RIGI: variants seen among roughly 807,000 people sequenced by gnomAD.
RIGI encodes the protein antiviral innate immune response receptor RIG-I.
the RIGI span, among the ~76,000 whole-genome samples, chr9:32,520,814 T>TGTGGTGGCTCAGGCTGGGC: frequency 6.7e-6 from 1 of 148,692 alleles, no homozygotes; most frequent in African/African-American, 2.5e-5. Context: ...GATGGCTGGG[T>TGTGGTGGCTCAGGCTGGGC]GTGGTGGCTC....
chr9:32,476,976 A>C, the RIGI span: 6 of 1,609,368 alleles, frequency 3.7e-6, no homozygotes, highest in Middle Eastern at 1.7e-4. Context: ...GGAGAAAAAA[A>C]GCTTACGTCC....
chr9:32,456,410 C>T, the RIGI span: 1 of 152,036 alleles, frequency 6.6e-6, no homozygotes, highest in Admixed American at 6.5e-5. Flanking sequence ...CTCATGTTCT[C>T]TGTGTAGCCA....
chr9:32,495,675 T>G, the RIGI span, among the ~76,000 whole-genome samples: 1 of 150,358 alleles, frequency 6.7e-6, no homozygotes, highest in African/African-American at 2.5e-5. Context: ...TTTTTTTTTT[T>G]TTGAGATGGA....
At chr9:32,457,435 G>A in the RIGI span, 2 of 1,596,944 alleles carry the variant, frequency 1.3e-6, no homozygotes, top group Non-Finnish European at 1.7e-6. Flanking sequence ...ATGAAGGGAT[G>A]GAATAACACA....
At chr9:32,510,320 G>C in the RIGI span, among the ~76,000 whole-genome samples, 1 of 152,256 alleles carries the variant, frequency 6.6e-6, no homozygotes, top group Non-Finnish European at 1.5e-5. Flanking sequence ...GAGGAAAAAT[G>C]TTAGGTGCAG....
At chr9:32,470,875 C>T in the RIGI span, among the ~76,000 whole-genome samples, 12 of 152,130 alleles carry the variant, frequency 7.9e-5, no homozygotes, top group Non-Finnish European at 1.6e-4. Context: ...CAAGTTTAAC[C>T]CATTCGATAA....
At chr9:32,504,928 GATATA>G in the RIGI span, among the ~76,000 whole-genome samples, 8 of 123,780 alleles carry the variant, frequency 6.5e-5, no homozygotes, top group African/African-American at 1.5e-4. Context: ...ATTATATATA[GATATA>G]ATATATATTT....
chr9:32,526,103 G>C, the RIGI span: 1 of 1,613,906 alleles, frequency 6.2e-7, no homozygotes, highest in Non-Finnish European at 8.5e-7. Context: ...ATGTAGGTAG[G>C]GTCCAGGGTC....
At chr9:32,474,112 G>A in the RIGI span, among the ~76,000 whole-genome samples, 1 of 141,848 alleles carries the variant, frequency 7.0e-6, no homozygotes, top group Admixed American at 7.7e-5. Flanking sequence ...TGAGATGGGA[G>A]AATCACCTGA....
the RIGI span, among the ~76,000 whole-genome samples, chr9:32,504,279 C>G: frequency 6.6e-6 from 1 of 152,072 alleles, no homozygotes; most frequent in Non-Finnish European, 1.5e-5. Context: ...GGATAAGCTC[C>G]CTTTGCTTTC....
the RIGI span, chr9:32,480,227 C>T: frequency 6.3e-7 from 1 of 1,596,764 alleles, no homozygotes; most frequent in Non-Finnish European, 8.6e-7. Flanking sequence ...ACCTTCAAAT[C>T]TCTGAGTAAG....
chr9:32,488,227 A>G, the RIGI span: 66 of 1,609,190 alleles, frequency 4.1e-5, no homozygotes, highest in East Asian at 1.4e-3. Context: ...GAAATTCCAT[A>G]TTACTAACCA....
At chr9:32,469,673 C>T in the RIGI span, among the ~76,000 whole-genome samples, 18 of 152,236 alleles carry the variant, frequency 1.2e-4, no homozygotes, top group African/African-American at 4.3e-4. Flanking sequence ...CAACCACATA[C>T]TGCCTTCTAA....
chr9:32,457,484 A>T, the RIGI span: 73 of 442,004 alleles, frequency 1.7e-4, no homozygotes, highest in South Asian at 1.1e-3. Flanking sequence ...ATTGTGATTT[A>T]AAAAAAAAAA....
At chr9:32,462,532 C>T in the RIGI span, among the ~76,000 whole-genome samples, 1 of 151,670 alleles carries the variant, frequency 6.6e-6, no homozygotes, top group Admixed American at 6.6e-5. Flanking sequence ...CCTCAGCCTC[C>T]CAAGTAGCTG....
the RIGI span, chr9:32,477,261 G>A: frequency 9.8e-7 from 1 of 1,017,938 alleles, no homozygotes; most frequent in Non-Finnish European, 1.4e-6. Context: ...AGTAAGTACT[G>A]TTTTAAATTG....
At chr9:32,492,313 C>T in the RIGI span, 14 of 1,515,440 alleles carry the variant, frequency 9.2e-6, no homozygotes, top group African/African-American at 1.4e-5. Context: ...AGGGGAAAAA[C>T]GCCTCTGATG....
the RIGI span, among the ~76,000 whole-genome samples, chr9:32,489,879 G>A: frequency 6.6e-3 from 1,011 of 152,282 alleles, 6 homozygotes; most frequent in African/African-American, 0.022. Flanking sequence ...ATGCTTTGTC[G>A]TTCTTCAAGT....
At chr9:32,509,533 C>G in the RIGI span, among the ~76,000 whole-genome samples, 2 of 152,156 alleles carry the variant, frequency 1.3e-5, no homozygotes. Context: ...AACTAACAAA[C>G]AGGAATATCA....
Sources: gnomAD v4.1 joint callset for allele counts (sites outside exome capture counted in the v4.1 genomes callset) on GRCh38, gnomAD v4.1.1 for gene constraint, MANE v1.5 for transcripts, NCBI Gene and HGNC (gene_info 2026-07-23, HGNC 2026-07-21) for gene names.